The following TENM2 variants were observed in gnomAD, a reference collection of about 807,000 sequenced individuals.
TENM2 encodes the protein teneurin transmembrane protein 2.
TENM2 carries 52 observed loss-of-function variants against 245.2 expected under a neutral mutation model. That is an observed-to-expected ratio of 0.21 (90% CI 0.17 to 0.27). TENM2 has a LOEUF of 0.27. TENM2 is among the 10% of genes least tolerant of loss of function. The probability of loss-of-function intolerance (pLI) is 1.00; values close to 1 mark genes in which losing one functional copy is unlikely to be tolerated. For missense variants in TENM2, 3,046 were observed against 3,666.8 expected, an observed-to-expected ratio of 0.83 and a Z score of 4.37; for synonymous variants, 1,363 against 1,438.9, an observed-to-expected ratio of 0.95 and a Z score of 1.19.
At chr5:167,991,855 A>G (rs1783693928) in intron 4 of TENM2, among the ~76,000 whole-genome samples, 1 of 152,200 alleles carries the variant, frequency 6.6e-6, no homozygotes, top group Non-Finnish European at 1.5e-5. Flanking sequence ...TTATCGAAAG[A>G]CAGAGCTCTG....
chr5:167,517,323 C>T (rs1770445560), intron 2 of TENM2, among the ~76,000 whole-genome samples: 1 of 152,124 alleles, frequency 6.6e-6, no homozygotes, highest in African/African-American at 2.4e-5. Flanking sequence ...GCACTGCATA[C>T]ATATACATAA....
intron 2 of TENM2, among the ~76,000 whole-genome samples, chr5:167,680,474 T>A (rs1756631526): frequency 6.6e-6 from 1 of 151,898 alleles, no homozygotes; most frequent in Admixed American, 6.6e-5. Flanking sequence ...AAGGGTGAGA[T>A]ATTGGGAAGT....
chr5:167,793,366 A>G (rs1325818929), intron 2 of TENM2, among the ~76,000 whole-genome samples: 3 of 152,178 alleles, frequency 2.0e-5, no homozygotes, highest in Non-Finnish European at 4.4e-5. Flanking sequence ...GAAAATAATG[A>G]CAATTATTAT....
chr5:167,621,785 C>G (rs1028938410), intron 2 of TENM2, among the ~76,000 whole-genome samples: 1 of 152,178 alleles, frequency 6.6e-6, no homozygotes, highest in Non-Finnish European at 1.5e-5. Context: ...CCACCTGCAT[C>G]ACAGTCATTT....
the TENM2 span, among the ~76,000 whole-genome samples, chr5:166,997,222 A>G: frequency 6.6e-5 from 10 of 152,320 alleles, no homozygotes; most frequent in African/African-American, 2.2e-4. Flanking sequence ...AACCGCTTCA[A>G]TATGAGGTGT....
At chr5:168,231,763 CAAA>C (rs1288767471) in intron 25 of TENM2, among the ~76,000 whole-genome samples, 57 of 149,306 alleles carry the variant, frequency 3.8e-4, no homozygotes, top group African/African-American at 1.4e-3. Flanking sequence ...TCTACAACAA[CAAA>C]CAACAACAAC....
At chr5:167,777,377 G>A (rs564479332) in intron 2 of TENM2, among the ~76,000 whole-genome samples, 4 of 152,160 alleles carry the variant, frequency 2.6e-5, no homozygotes, top group Non-Finnish European at 4.4e-5. Flanking sequence ...ACTTTCAAAA[G>A]CAAATTATTC....
the TENM2 span, among the ~76,000 whole-genome samples, chr5:167,091,431 T>C: frequency 6.6e-6 from 1 of 152,164 alleles, no homozygotes; most frequent in African/African-American, 2.4e-5. Flanking sequence ...ATAAGGGAAC[T>C]AAAACATGTG....
At chr5:167,271,684 G>T in the TENM2 span, among the ~76,000 whole-genome samples, 3 of 152,112 alleles carry the variant, frequency 2.0e-5, no homozygotes, top group African/African-American at 7.2e-5. Flanking sequence ...GCGGATCCTG[G>T]CTCTGCTCTC....
intron 1 of TENM2, among the ~76,000 whole-genome samples, chr5:167,301,456 G>C (rs915725257): frequency 6.6e-6 from 1 of 152,212 alleles, no homozygotes; most frequent in Non-Finnish European, 1.5e-5. Flanking sequence ...GTCTCACAGT[G>C]GAGGCAAGGA....
the TENM2 span, among the ~76,000 whole-genome samples, chr5:166,995,270 C>G: frequency 6.6e-6 from 1 of 151,756 alleles, no homozygotes; most frequent in Admixed American, 6.6e-5. Flanking sequence ...GATGGAGTCT[C>G]GCTCTGTCGC....
At chr5:167,782,674 C>G (rs1764279840) in intron 2 of TENM2, among the ~76,000 whole-genome samples, 1 of 152,134 alleles carries the variant, frequency 6.6e-6, no homozygotes, top group Non-Finnish European at 1.5e-5. Flanking sequence ...AGCAGTCAAA[C>G]AGAAAAGAGA....
At chr5:168,106,737 A>C (rs1473076565) in intron 9 of TENM2, among the ~76,000 whole-genome samples, 1 of 152,174 alleles carries the variant, frequency 6.6e-6, no homozygotes, top group African/African-American at 2.4e-5. Context: ...GGAGTTTCCC[A>C]GGTAGAAAGT....
At chr5:166,999,654 A>T in the TENM2 span, among the ~76,000 whole-genome samples, 1 of 152,154 alleles carries the variant, frequency 6.6e-6, no homozygotes, top group Non-Finnish European at 1.5e-5. Flanking sequence ...AAGAGCCCAG[A>T]TTGCCTTCAG....
intron 2 of TENM2, among the ~76,000 whole-genome samples, chr5:167,850,589 A>G (rs927716839): frequency 2.0e-5 from 3 of 152,198 alleles, no homozygotes; most frequent in African/African-American, 7.2e-5. Context: ...TTTCTCCCAC[A>G]TTTACCCCAG....
At chr5:168,036,664 A>ATGTATGTGTATATATATATATATAT (rs56397479) in intron 5 of TENM2, among the ~76,000 whole-genome samples, 13 of 101,364 alleles carry the variant, frequency 1.3e-4, no homozygotes, top group East Asian at 9.2e-4. Context: ...ATATATATAT[A>ATGTATGTGTATATATATATATATAT]ATATATGTAT....
At chr5:166,997,085 CAT>C in the TENM2 span, among the ~76,000 whole-genome samples, 6 of 152,250 alleles carry the variant, frequency 3.9e-5, no homozygotes, top group Admixed American at 6.5e-5. Context: ...ACTCAAGAAA[CAT>C]GTGTGTAATA....
At chr5:167,625,624 T>C (rs1297942511) in intron 2 of TENM2, among the ~76,000 whole-genome samples, 2 of 152,192 alleles carry the variant, frequency 1.3e-5, no homozygotes, top group Non-Finnish European at 2.9e-5. Flanking sequence ...GTATCAGTTA[T>C]CTATTGTTCT....
At chr5:168,254,499 A>AGAG (rs1767460470) in intron 27 of TENM2, among the ~76,000 whole-genome samples, 1 of 140,562 alleles carries the variant, frequency 7.1e-6, no homozygotes, top group Non-Finnish European at 1.7e-5. Context: ...AGGAAGAGGA[A>AGAG]GAAGGGGAGG....
Sources: gnomAD v4.1 joint callset for allele counts (sites outside exome capture counted in the v4.1 genomes callset) on GRCh38, gnomAD v4.1.1 for gene constraint, MANE v1.5 for transcripts, NCBI Gene and HGNC (gene_info 2026-07-23, HGNC 2026-07-21) for gene names.